Variants in KDM2B observed in about 807,000 individuals in gnomAD.
The protein encoded by KDM2B is lysine demethylase 2B.
A neutral mutation model predicts 150.0 loss-of-function variants in KDM2B; 26 were observed. The observed-to-expected ratio is 0.17, with a 90% CI of 0.13 to 0.24. KDM2B has a LOEUF of 0.24. Among genes scored for constraint, KDM2B ranks in the 10% least tolerant of loss-of-function variants. The probability of loss-of-function intolerance (pLI) is 1.00; values close to 1 mark genes in which losing one functional copy is unlikely to be tolerated. For missense variants in KDM2B, 1,265 were observed against 1,816.9 expected (o/e 0.70, Z 5.52); for synonymous variants, 734 against 729.5 (o/e 1.01, Z -0.10).
chr12:121,475,802 C>T (rs1188562823), intron 12 of KDM2B, among the ~76,000 whole-genome samples: 4 of 151,852 alleles, frequency 2.6e-5, no homozygotes, highest in Non-Finnish European at 5.9e-5. Flanking sequence ...ACAACCCCCA[C>T]GTCTTTGAAT....
In KDM2B at chr12:121,440,812, T is replaced by C; in HGVS notation, c.3610+4A>G. On this transcript the variant is annotated splice_donor_region_variant and intron_variant, in intron 21 of 22. Coordinates refer to ENST00000377071, the MANE Select transcript of KDM2B (RefSeq NM_032590.5). ...CCACAGAAACCCCCAGCCTGGCAAC[T>C]CACCTGGCCTGTTGTCTGTGGGCGG... The C allele has an allele frequency of 6.2e-7, 1 of 1,601,490 alleles. No homozygotes were observed. The highest frequency in any genetic ancestry group is 8.5e-7 in the Non-Finnish European group (1 of 1,173,736).
In KDM2B at chr12:121,513,512, C is replaced by A; in HGVS notation, c.1048-110G>T. 1 of 1,241,744 alleles carries A rather than the reference C, an allele frequency of 8.1e-7. No homozygotes were observed. The highest frequency in any genetic ancestry group is 1.5e-5 in the African/African-American group (1 of 67,674). 76.9% of individuals were successfully genotyped at this position (1,241,744 alleles called of 1,614,324 possible). A position where few individuals can be genotyped will look rare whatever the true frequency, so the allele number is the denominator to read the frequency against. On this transcript the variant is annotated intron_variant, in intron 9 of 22. Transcript: ENST00000377071. This position sits in a 1 kb window ranked among gnomAD's most constrained non-coding sequence, Gnocchi z 5.0. The stretch of plus-strand genomic sequence containing the variant: ...TGCAGGTGAGGGTCACTGTCATCAT[C>A]TTAGCGAGAGCATGGATGGTCGGGG...
intron 11 of KDM2B, among the ~76,000 whole-genome samples, chr12:121,495,263 C>T (rs1183257015): frequency 2.0e-5 from 3 of 151,894 alleles, no homozygotes; most frequent in Non-Finnish European, 4.4e-5. Flanking sequence ...TGGGTTCAAG[C>T]GATTTCCCTG....
chr12:121,522,120 A>G (rs1171549310), intron 8 of KDM2B, among the ~76,000 whole-genome samples: 1 of 151,974 alleles, frequency 6.6e-6, no homozygotes, highest in African/African-American at 2.4e-5. Context: ...AGAAAAAAAA[A>G]GAAGAAACGA....
chr12:121,417,997 C>G, the KDM2B span: 1 of 1,361,550 alleles, frequency 7.3e-7, no homozygotes, highest in Non-Finnish European at 1.0e-6. This position sits in a 1 kb window ranked among gnomAD's most constrained non-coding sequence, Gnocchi z 5.0. Flanking sequence ...TTGATGACTT[C>G]TGATAAACTT....
At chr12:121,524,127 A>C (rs1218765285) in intron 8 of KDM2B, among the ~76,000 whole-genome samples, 3 of 152,100 alleles carry the variant, frequency 2.0e-5, no homozygotes, top group Non-Finnish European at 4.4e-5. Context: ...GGTGCATCTT[A>C]TATGGCCCCA....
At chr12:121,514,733 C>T (rs1885888343) in intron 9 of KDM2B, among the ~76,000 whole-genome samples, 1 of 149,136 alleles carries the variant, frequency 6.7e-6, no homozygotes, top group Non-Finnish European at 1.5e-5. Flanking sequence ...ATCTTCACTC[C>T]CCTAATCGCA....
At chr12:121,443,501 C>G in intron 17 of KDM2B, 179 bp downstream of exon 17, 1 of 614,366 alleles carries the variant, frequency 1.6e-6, no homozygotes. Context: ...AACAGAGGCT[C>G]TAGGCACAGA....
At chr12:121,444,869 C>A in intron 14 of KDM2B, 2 of 451,786 alleles carry the variant, frequency 4.4e-6, no homozygotes, top group South Asian at 4.5e-5. Flanking sequence ...AGCTCAGCGC[C>A]TGGCATGCAG....
chr12:121,425,990 A>G (rs193226753), downstream of KDM2B, among the ~76,000 whole-genome samples: 58 of 152,176 alleles, frequency 3.8e-4, no homozygotes, highest in African/African-American at 1.4e-3. Context: ...GATAGTCTCA[A>G]TCTCCTGACC....
At chr12:121,555,377 T>C (rs1555312520) in intron 4 of KDM2B, among the ~76,000 whole-genome samples, 1 of 152,208 alleles carries the variant, frequency 6.6e-6, no homozygotes, top group East Asian at 1.9e-4. Flanking sequence ...GGGGTAATTT[T>C]ATTTTTTTCT....
chr12:121,425,803 G>T (rs1228553357), downstream of KDM2B, among the ~76,000 whole-genome samples: 3 of 148,610 alleles, frequency 2.0e-5, no homozygotes, highest in Non-Finnish European at 4.4e-5. Flanking sequence ...GTCTCGCTCT[G>T]TTGCCCAGGC....
chr12:121,549,710 C>G lies in KDM2B; in HGVS notation c.398-72G>C. On this transcript the variant is annotated intron_variant, in intron 4 of 22. Coordinates refer to ENST00000377071, the MANE Select transcript of KDM2B (RefSeq NM_032590.5). This position sits in a 1 kb window ranked among gnomAD's most constrained non-coding sequence, Gnocchi z 4.4. The stretch of plus-strand genomic sequence containing the variant: ...CCAGATCCTACATGGGAGCCCCTCA[C>G]TAAACAAAAGCTGCTCCTCCACGTT... 7.1e-7 allele frequency: 1 copy of G among 1,413,180 alleles called. No individual in the cohort carries two copies. Among genetic ancestry groups the G allele is most frequent in the Non-Finnish European group, 9.6e-7 (1 of 1,045,562 alleles). 87.5% of individuals were successfully genotyped at this position (1,413,180 alleles called of 1,614,324 possible).
intron 22 of KDM2B, among the ~76,000 whole-genome samples, chr12:121,431,104 A>G (rs1186484298): frequency 6.6e-6 from 1 of 151,358 alleles, no homozygotes; most frequent in Non-Finnish European, 1.5e-5. Context: ...TTCAGACTTC[A>G]TCACACCCTC....
chr12:121,450,858 C>CT (rs1555291470), intron 13 of KDM2B, among the ~76,000 whole-genome samples: 64 of 128,290 alleles, frequency 5.0e-4, no homozygotes, highest in Admixed American at 5.4e-4. Context: ...AAGACTCCAT[C>CT]AAAAAAAAAA....
In KDM2B at chr12:121,555,720, AT is replaced by A. The variant is rs374861731; in HGVS notation, c.398-6083del. ...AATAAGTAAGTGATATAGTTTGGAT[AT>A]TTTTCCCCCCCAAATCTCAAATCTC... is the stretch of plus-strand genomic sequence containing the variant. On this transcript the variant is annotated intron_variant, in intron 4 of 22. Transcript: ENST00000377071. Among the ~76,000 whole-genome samples the A allele has an allele frequency of 1.9e-3, 291 of 152,116 alleles. 2 individuals carry two copies. Among genetic ancestry groups the A allele is most frequent in the East Asian group, 6.4e-3 (33 of 5,156 alleles).
In KDM2B at chr12:121,549,550, C is replaced by G. The variant is rs782609076; in HGVS notation, c.486G>C (p.Thr162=). 8.7e-6 allele frequency: 14 copies of G among 1,613,534 alleles called. No individual in the cohort carries two copies. The East Asian group carries it at 3.1e-4, about 36-fold the overall frequency. Residue 162 remains threonine, a synonymous_variant, in exon 5 of 23, where the codon ACG becomes ACC. Transcript: ENST00000377071. This position sits in a 1 kb window ranked among gnomAD's most constrained non-coding sequence, Gnocchi z 4.4. ...SMSQFVRYYE[T]PEAQRDKLYN... ...ACAGCTTGTCCCGCTGGGCCTCGGG[C>G]GTCTCGTAGTAACGCACAAACTGGG...
chr12:121,483,770 A>T (rs563953010), intron 12 of KDM2B, among the ~76,000 whole-genome samples: 1 of 152,228 alleles, frequency 6.6e-6, no homozygotes, highest in South Asian at 2.1e-4. Flanking sequence ...GCAGAAGTGC[A>T]GTGGGGAGAG....
At position 121,520,924 on chromosome 12, in the gene KDM2B, C is replaced by G. The variant is rs571111248; in HGVS notation, c.1047+61G>C. The G allele has an allele frequency of 1.5e-6, 2 of 1,292,878 alleles. No homozygotes were observed. Among genetic ancestry groups the G allele is most frequent in the South Asian group, 2.4e-5 (2 of 83,322 alleles). The allele number at this position is 1,292,878 out of a possible 1,614,324, so 80.1% of individuals were successfully genotyped here. ...CTTCAGTATGACCTGTCCCACACAC[C>G]GAGCACCGGCAGAGCTCAGGGGCCA... On this transcript the variant is annotated intron_variant, in intron 9 of 22. Transcript: ENST00000377071. The surrounding 1 kb of genome is among the most constrained non-coding windows in gnomAD (Gnocchi z 4.5).
Sources: gnomAD v4.1 joint callset for allele counts (sites outside exome capture counted in the v4.1 genomes callset) on GRCh38, gnomAD v4.1.1 for gene constraint, Gnocchi (gnomAD v3.1) non-coding constraint, MANE v1.5 for transcripts, NCBI Gene and HGNC (gene_info 2026-07-23, HGNC 2026-07-21) for gene names.